ARHGEF10L: variants seen among roughly 807,000 people sequenced by gnomAD.
The protein encoded by ARHGEF10L is rho guanine nucleotide exchange factor 10-like protein.
Under a neutral mutation model 141.2 loss-of-function variants are expected in ARHGEF10L, and 69 were observed. The ratio of observed to expected loss-of-function variants is 0.49; its 90% CI spans 0.40 to 0.60. The LOEUF (loss-of-function observed/expected upper bound fraction) is 0.60. Among genes scored for constraint, ARHGEF10L ranks in the 20% least tolerant of loss-of-function variants. The pLI, the probability that ARHGEF10L is intolerant of heterozygous loss-of-function variation, is 0.00. For missense variants in ARHGEF10L, 1,482 were observed against 1,734.3 expected, an observed-to-expected ratio of 0.85 and a Z score of 2.58; for synonymous variants, 711 against 718.5, an observed-to-expected ratio of 0.99 and a Z score of 0.17.
chr1:17,648,533 A>G, intron 21 of ARHGEF10L, 21 bp from the exon 22 acceptor site: 3 of 1,612,774 alleles, frequency 1.9e-6, no homozygotes, highest in Non-Finnish European at 2.5e-6. Context: ...AGCTCTACCC[A>G]CCTCCTTCCT....
In ARHGEF10L at chr1:17,648,687, G is replaced by C. The variant is rs557134200; in HGVS notation, c.2394+12G>C. ...CACTCAGCCTGCAGGTGAGTGGAGC[G>C]GATCTTGCTGAGCCGACCTCGAAGG... On this transcript the variant is annotated intron_variant, in intron 22 of 28. Transcript: ENST00000361221. The C allele has an allele frequency of 6.2e-7, 1 of 1,611,274 alleles. No homozygotes were observed. Among genetic ancestry groups the C allele is most frequent in the Non-Finnish European group, 8.5e-7 (1 of 1,179,138 alleles).
intron 4 of ARHGEF10L, 86 bp from the exon 5 acceptor site, chr1:17,602,041 C>T (rs1167737777): frequency 1.0e-5 from 13 of 1,278,850 alleles, no homozygotes; most frequent in Non-Finnish European, 1.4e-5. Flanking sequence ...TTTTGCCCAT[C>T]ATGTCCCGCT....
intron 1 of ARHGEF10L, among the ~76,000 whole-genome samples, chr1:17,569,396 C>G (rs994184895): frequency 6.6e-6 from 1 of 152,186 alleles, no homozygotes; most frequent in Non-Finnish European, 1.5e-5. Context: ...TGAGGGCCCC[C>G]GGGGGTCCTG....
At chr1:17,531,557 T>G in the ARHGEF10L span, among the ~76,000 whole-genome samples, 3 of 152,180 alleles carry the variant, frequency 2.0e-5, no homozygotes, top group African/African-American at 7.2e-5. Flanking sequence ...GGCCTATTTA[T>G]TCATAAAGCA....
chr1:17,679,263 G>A (rs1300501397), intron 26 of ARHGEF10L, among the ~76,000 whole-genome samples: 8 of 152,220 alleles, frequency 5.3e-5, no homozygotes, highest in African/African-American at 1.9e-4. Context: ...CCTGAGAAAT[G>A]CGTCAGGCAG....
chr1:17,624,124 C>T (rs1052484841), intron 12 of ARHGEF10L, among the ~76,000 whole-genome samples: 2 of 152,290 alleles, frequency 1.3e-5, no homozygotes, highest in Middle Eastern at 3.4e-3. Context: ...ACCTGGGAGG[C>T]GAAGGTCCCC....
Position 17,644,328 on chromosome 1 carries a change from C to T in ARHGEF10L, c.2272+4026C>T, listed in dbSNP as rs560059633. On this transcript the variant is annotated intron_variant, in intron 21 of 28. Transcript: ENST00000361221. This position sits in a 1 kb window ranked among gnomAD's most constrained non-coding sequence, Gnocchi z 4.5. ...GCCCTGGCAGAGTGTGAAGTGTGTTCTAGACCTCAGCATGTCCTTGAACCC... is the reference window on the plus strand; with the variant it reads ...GCCCTGGCAGAGTGTGAAGTGTGTTTTAGACCTCAGCATGTCCTTGAACCC... Among the ~76,000 whole-genome samples, 1 of 152,244 alleles carries T rather than the reference C, an allele frequency of 6.6e-6. No homozygotes were observed. Among genetic ancestry groups the T allele is most frequent in the Non-Finnish European group, 1.5e-5 (1 of 68,040 alleles).
chr1:17,665,737 C>A (rs1039953013), intron 26 of ARHGEF10L, among the ~76,000 whole-genome samples: 1 of 152,148 alleles, frequency 6.6e-6, no homozygotes, highest in Non-Finnish European at 1.5e-5. Context: ...ACCAATGGAA[C>A]GTATGTGAGT....
intron 21 of ARHGEF10L, among the ~76,000 whole-genome samples, chr1:17,647,097 C>T (rs1478400425): frequency 4.6e-5 from 7 of 152,054 alleles, no homozygotes; most frequent in South Asian, 2.1e-4. Context: ...CGGCTGCCTG[C>T]GACAGAGCTA....
intron 8 of ARHGEF10L, among the ~76,000 whole-genome samples, chr1:17,614,771 C>A (rs1175599260): frequency 6.6e-6 from 1 of 152,178 alleles, no homozygotes; most frequent in Non-Finnish European, 1.5e-5. Context: ...CCTTCTTTTT[C>A]CCTGCTGCTG....
intron 15 of ARHGEF10L, among the ~76,000 whole-genome samples, chr1:17,631,564 C>G (rs2060693026): frequency 6.6e-6 from 1 of 152,236 alleles, no homozygotes; most frequent in African/African-American, 2.4e-5. Context: ...CTGTGAAGAC[C>G]ATCACAGACA....
the ARHGEF10L span, among the ~76,000 whole-genome samples, chr1:17,515,291 C>CT: frequency 5.5e-3 from 729 of 131,988 alleles, 7 homozygotes; most frequent in African/African-American, 0.017. Flanking sequence ...CTTTTTCTCT[C>CT]TTTTTTTTTT....
intron 1 of ARHGEF10L, among the ~76,000 whole-genome samples, chr1:17,550,650 GAAA>G (rs58121017): frequency 4.9e-5 from 7 of 143,538 alleles, no homozygotes; most frequent in Non-Finnish European, 9.1e-5. Context: ...TCTCAAAAAC[GAAA>G]AAAAAAAAGC....
intron 1 of ARHGEF10L, among the ~76,000 whole-genome samples, chr1:17,572,171 G>A (rs2246174): frequency 0.34 from 52,032 of 152,068 alleles, 9,814 homozygotes; most frequent in East Asian, 0.51. Context: ...GCGGGGGTCA[G>A]TCCACCCGAT....
At chr1:17,569,792 G>T (rs1464351453) in intron 1 of ARHGEF10L, among the ~76,000 whole-genome samples, 1 of 152,224 alleles carries the variant, frequency 6.6e-6, no homozygotes, top group Non-Finnish European at 1.5e-5. Flanking sequence ...AGCCGCGGAG[G>T]CTCGCGGATC....
At chr1:17,682,009 T>C (rs1305066937) in intron 26 of ARHGEF10L, among the ~76,000 whole-genome samples, 1 of 151,904 alleles carries the variant, frequency 6.6e-6, no homozygotes, top group Non-Finnish European at 1.5e-5. Flanking sequence ...AAATCCAGCG[T>C]GCTCTAATCA....
intron 22 of ARHGEF10L, among the ~76,000 whole-genome samples, chr1:17,650,883 C>T (rs3766309): frequency 0.21 from 31,376 of 152,000 alleles, 3,393 homozygotes; most frequent in African/African-American, 0.25. Context: ...AAATTTCAGC[C>T]GATGTCAAAA....
intron 1 of ARHGEF10L, among the ~76,000 whole-genome samples, chr1:17,569,593 A>C (rs542215799): frequency 1.9e-4 from 29 of 152,316 alleles, no homozygotes; most frequent in Admixed American, 5.9e-4. Flanking sequence ...TTGGGCCTGA[A>C]GAAAGAGCTT....
the ARHGEF10L span, among the ~76,000 whole-genome samples, chr1:17,519,638 C>T: frequency 4.6e-5 from 7 of 151,898 alleles, no homozygotes; most frequent in Admixed American, 3.9e-4. Flanking sequence ...GGAGGAAACT[C>T]CATCATGGCC....
Sources: gnomAD v4.1 joint callset for allele counts (sites outside exome capture counted in the v4.1 genomes callset) on GRCh38, gnomAD v4.1.1 for gene constraint, Gnocchi (gnomAD v3.1) non-coding constraint, MANE v1.5 for transcripts, NCBI Gene and HGNC (gene_info 2026-07-23, HGNC 2026-07-21) for gene names.